The following WWOX variants were observed in gnomAD, a reference collection of about 807,000 sequenced individuals.
WWOX encodes WW domain containing oxidoreductase.
WWOX carries 69 observed loss-of-function variants against 46.2 expected under a neutral mutation model. That is an observed-to-expected ratio of 1.49 (90% CI 1.23 to 1.82). The LOEUF (loss-of-function observed/expected upper bound fraction) is 1.82, where lower values mean the gene tolerates loss of function less well. WWOX is among the 40% of genes most tolerant of loss of function. The pLI, the probability that WWOX is intolerant of heterozygous loss-of-function variation, is 0.00. For synonymous variants in WWOX, 359 were observed against 202.6 expected, an observed-to-expected ratio of 1.77 and a Z score of -6.56; for missense variants, 919 against 542.6, an observed-to-expected ratio of 1.69 and a Z score of -6.89.
At chr16:79,008,261 C>T (rs1044590368) in intron 8 of WWOX, among the ~76,000 whole-genome samples, 5 of 152,190 alleles carry the variant, frequency 3.3e-5, no homozygotes, top group African/African-American at 9.7e-5. Flanking sequence ...TTCTTCAAGA[C>T]TGAAGGAGGC....
chr16:78,899,422 A>G (rs1328258726), intron 8 of WWOX: 13 of 152,218 alleles, frequency 8.5e-5, no homozygotes, highest in African/African-American at 2.7e-4. Context: ...TTTACCCCGT[A>G]TGTCACTTTC....
chr16:78,301,248 C>A (rs1416783669), intron 5 of WWOX, among the ~76,000 whole-genome samples: 4 of 152,092 alleles, frequency 2.6e-5, no homozygotes, highest in Non-Finnish European at 5.9e-5. Context: ...TCTTTTATAG[C>A]TTTTTGTTTT....
chr16:79,092,075 C>T (rs957429429), intron 8 of WWOX, among the ~76,000 whole-genome samples: 2 of 152,044 alleles, frequency 1.3e-5, no homozygotes, highest in Non-Finnish European at 2.9e-5. Flanking sequence ...GCCACCGCAC[C>T]GGGCCTCACG....
At chr16:78,729,609 C>T (rs2048919413) in intron 8 of WWOX, among the ~76,000 whole-genome samples, 1 of 152,052 alleles carries the variant, frequency 6.6e-6, no homozygotes, top group Non-Finnish European at 1.5e-5. Context: ...AGATCTCTTC[C>T]AGGGCCTCTG....
At chr16:78,787,110 T>TG (rs1406168461) in intron 8 of WWOX, among the ~76,000 whole-genome samples, 9 of 152,206 alleles carry the variant, frequency 5.9e-5, no homozygotes, top group African/African-American at 1.7e-4. Flanking sequence ...ATTGCACCAC[T>TG]GGACTCCAGC....
intron 8 of WWOX, among the ~76,000 whole-genome samples, chr16:79,095,060 C>G (rs747041631): frequency 2.0e-5 from 3 of 152,164 alleles, no homozygotes; most frequent in Non-Finnish European, 4.4e-5. Context: ...GCAAAATAAT[C>G]CTCACAATTT....
intron 8 of WWOX, among the ~76,000 whole-genome samples, chr16:78,750,461 G>A (rs1004525508): frequency 4.6e-5 from 7 of 152,268 alleles, no homozygotes; most frequent in Admixed American, 1.3e-4. Flanking sequence ...TCATGTGTAA[G>A]TAAACTGGGA....
intron 8 of WWOX, among the ~76,000 whole-genome samples, chr16:78,966,082 C>T (rs2046358393): frequency 6.6e-6 from 1 of 152,154 alleles, no homozygotes; most frequent in Non-Finnish European, 1.5e-5. Context: ...CTGAGGATTC[C>T]AAGCTTTTTT....
chr16:78,674,679 G>A (rs557390093), intron 8 of WWOX, among the ~76,000 whole-genome samples: 72 of 152,184 alleles, frequency 4.7e-4, no homozygotes, highest in African/African-American at 1.7e-3. Flanking sequence ...AACCTAACCT[G>A]TTTTAAAATA....
chr16:78,852,788 C>T (rs999328099), intron 8 of WWOX, among the ~76,000 whole-genome samples: 1 of 152,152 alleles, frequency 6.6e-6, no homozygotes, highest in Non-Finnish European at 1.5e-5. Context: ...GTAGGAGTTC[C>T]TCAATGGTTC....
At chr16:78,722,206 C>T (rs1467072427) in intron 8 of WWOX, among the ~76,000 whole-genome samples, 2 of 152,178 alleles carry the variant, frequency 1.3e-5, no homozygotes, top group African/African-American at 4.8e-5. Context: ...ACGATGACCG[C>T]AGCTCCTGTA....
intron 8 of WWOX, among the ~76,000 whole-genome samples, chr16:78,989,066 G>A (rs1046972934): frequency 5.3e-5 from 8 of 152,248 alleles, no homozygotes; most frequent in African/African-American, 1.9e-4. Flanking sequence ...CATTTAACTT[G>A]TAGAGCTTTG....
intron 5 of WWOX, among the ~76,000 whole-genome samples, chr16:78,252,805 G>T (rs1356295027): frequency 1.3e-5 from 2 of 152,078 alleles, no homozygotes; most frequent in Non-Finnish European, 2.9e-5. Flanking sequence ...CCCAAAAAGG[G>T]CCACTTAGAC....
intron 8 of WWOX, among the ~76,000 whole-genome samples, chr16:78,579,376 G>C (rs767809810): frequency 6.6e-6 from 1 of 152,128 alleles, no homozygotes; most frequent in Admixed American, 6.6e-5. Flanking sequence ...AGAGATGTCT[G>C]AGCCAAATTG....
intron 8 of WWOX, among the ~76,000 whole-genome samples, chr16:78,497,527 G>C (rs563032561): frequency 1.4e-5 from 1 of 72,290 alleles, no homozygotes; most frequent in South Asian, 4.5e-4. Context: ...GAGTGAAGCA[G>C]CATCCTACAG....
At chr16:78,332,907 C>T (rs7186903) in intron 5 of WWOX, among the ~76,000 whole-genome samples, 135,443 of 152,188 alleles carry the variant, frequency 0.89, 60,496 homozygotes, top group African/African-American at 0.96. Context: ...AAGATGTTTC[C>T]GTTGCTTATA....
chr16:78,831,299 G>A (rs2151157933), intron 8 of WWOX, among the ~76,000 whole-genome samples: 1 of 152,320 alleles, frequency 6.6e-6, no homozygotes, highest in Non-Finnish European at 1.5e-5. Flanking sequence ...TTAGGCTCCT[G>A]GAGGATTGAT....
At chr16:78,268,284 A>G (rs1397672640) in intron 5 of WWOX, among the ~76,000 whole-genome samples, 1 of 152,262 alleles carries the variant, frequency 6.6e-6, no homozygotes, top group Admixed American at 6.5e-5. Flanking sequence ...TAAGTAGTAC[A>G]AATTTGAGAA....
intron 8 of WWOX, among the ~76,000 whole-genome samples, chr16:79,169,142 A>T (rs138437648): frequency 1.3e-5 from 2 of 152,332 alleles, no homozygotes; most frequent in African/African-American, 4.8e-5. Context: ...AATTTGGCCC[A>T]TGGTAGAGAG....
Sources: allele counts gnomAD v4.1 joint callset (sites outside exome capture counted in the v4.1 genomes callset), GRCh38; gene constraint gnomAD v4.1.1; transcripts MANE v1.5; gene names NCBI Gene and HGNC (gene_info 2026-07-23, HGNC 2026-07-21).